Variants in VSNL1 observed in about 807,000 individuals in gnomAD.
The protein encoded by VSNL1 is visinin-like protein 1.
Under a neutral mutation model 20.4 loss-of-function variants are expected in VSNL1, and 6 were observed. That is an observed-to-expected ratio of 0.29 (90% CI 0.16 to 0.58). The LOEUF is 0.58. Ranked by LOEUF, VSNL1 falls within the 20% of genes least tolerant of loss-of-function variation. The probability of loss-of-function intolerance (pLI) is 0.90; values close to 1 mark genes in which losing one functional copy is unlikely to be tolerated. For missense variants in VSNL1, 100 were observed against 234.5 expected (o/e 0.43, Z 3.75); for synonymous variants, 93 against 86.4 (o/e 1.08, Z -0.42).
At chr2:17,627,515 T>C (rs2103408798) in intron 2 of VSNL1, among the ~76,000 whole-genome samples, 1 of 151,902 alleles carries the variant, frequency 6.6e-6, no homozygotes, top group Non-Finnish European at 1.5e-5. Context: ...GGGATCAGAG[T>C]TTTTAAGGAT....
At chr2:17,612,074 G>A (rs368796584) in intron 2 of VSNL1, among the ~76,000 whole-genome samples, 1 of 151,528 alleles carries the variant, frequency 6.6e-6, no homozygotes, top group East Asian at 1.9e-4. Flanking sequence ...GTGTGTGTGT[G>A]CTCTCACTCA....
rs539554905 is a variant in VSNL1 at position 17,629,042 on chromosome 2, A to C, written c.163-20368A>C. 3.3e-5 allele frequency among the ~76,000 whole-genome samples: 5 copies of C among 152,336 alleles called. No homozygotes were observed. In the South Asian group the frequency reaches 1.0e-3, roughly 32 times the overall value. On this transcript the variant is annotated intron_variant, in intron 2 of 3. Coordinates refer to ENST00000295156, the MANE Select transcript of VSNL1 (RefSeq NM_003385.5). Reference sequence around the variant, plus strand: ...GCTCAGAGCCAAGGCAAAGCTTCAGAAGCCCAGCCACAGCTAAATCGCCTG... The same window carrying C: ...GCTCAGAGCCAAGGCAAAGCTTCAGCAGCCCAGCCACAGCTAAATCGCCTG...
intron 2 of VSNL1, among the ~76,000 whole-genome samples, chr2:17,603,414 T>C: frequency 6.6e-6 from 1 of 152,182 alleles, no homozygotes; most frequent in South Asian, 2.1e-4. Context: ...TCATGAGGGT[T>C]GCACCTAGTC....
chr2:17,637,647 T>C (rs1665785653), intron 2 of VSNL1, among the ~76,000 whole-genome samples: 2 of 152,176 alleles, frequency 1.3e-5, no homozygotes, highest in Admixed American at 6.5e-5. Context: ...TGAGGACCCA[T>C]TAGCAGCTTC....
intron 1 of VSNL1, among the ~76,000 whole-genome samples, chr2:17,568,267 G>A (rs1229562775): frequency 2.0e-5 from 3 of 151,622 alleles, no homozygotes. Context: ...ATTCGGCTTT[G>A]TTTGTTTGTT....
chr2:17,611,847 G>GATTAT (rs201521318), intron 2 of VSNL1, among the ~76,000 whole-genome samples: 2 of 152,292 alleles, frequency 1.3e-5, no homozygotes, highest in East Asian at 3.9e-4. Flanking sequence ...GTCAGTGACT[G>GATTAT]ATTATATTTA....
In VSNL1 at chr2:17,564,171, T is replaced by C. The variant is rs1343549123; in HGVS notation, c.-6+23253T>C. ...TTGTTCTGGCCTAAATTTCTTTTTT[T>C]CACCCCCATTTTTTTCACAAGTGTT... On this transcript the variant is annotated intron_variant, in intron 1 of 3. Coordinates refer to ENST00000295156, the MANE Select transcript of VSNL1 (RefSeq NM_003385.5). 2.6e-5 allele frequency among the ~76,000 whole-genome samples: 4 copies of C among 152,204 alleles called. No individual in the cohort carries two copies. In the East Asian group the frequency reaches 7.7e-4, roughly 29 times the overall value.
intron 1 of VSNL1, among the ~76,000 whole-genome samples, chr2:17,565,647 A>G (rs1156453963): frequency 6.6e-6 from 1 of 152,220 alleles, no homozygotes; most frequent in East Asian, 1.9e-4. Flanking sequence ...AGAAAGAAAA[A>G]TATATTCAAT....
At chr2:17,604,108 T>A (rs1664892237) in intron 2 of VSNL1, among the ~76,000 whole-genome samples, 1 of 152,108 alleles carries the variant, frequency 6.6e-6, no homozygotes, top group Non-Finnish European at 1.5e-5. Context: ...GCTGCGGCCT[T>A]GGGAGCTCAA....
intron 1 of VSNL1, among the ~76,000 whole-genome samples, chr2:17,550,051 C>G (rs1663494600): frequency 6.6e-6 from 1 of 152,082 alleles, no homozygotes; most frequent in African/African-American, 2.4e-5. Context: ...ATGATATTAC[C>G]TACCCTTTGT....
At chr2:17,574,204 C>A (rs1432222627) in intron 1 of VSNL1, among the ~76,000 whole-genome samples, 1 of 151,576 alleles carries the variant, frequency 6.6e-6, no homozygotes, top group Non-Finnish European at 1.5e-5. Context: ...TTCTTTGATC[C>A]CCCCCCACCC....
rs567637646 is a variant in VSNL1 at position 17,656,277 on chromosome 2, T to G, written c.*883T>G. On this transcript the variant is annotated 3_prime_UTR_variant, in exon 4 of 4. Coordinates refer to ENST00000295156, the MANE Select transcript of VSNL1 (RefSeq NM_003385.5). ...ACTCTTAAATATACAACTTTGGAAT[T>G]TGAAGAATTAATGACAACAAAAGGG... 4 of 152,150 alleles carry G rather than the reference T, an allele frequency of 2.6e-5. No homozygotes were observed. Among genetic ancestry groups the G allele is most frequent in the Non-Finnish European group, 4.4e-5 (3 of 68,042 alleles). 9.4% of individuals were successfully genotyped at this position (152,150 alleles called of 1,614,324 possible).
chr2:17,572,527 A>G (rs1270099733), intron 1 of VSNL1, among the ~76,000 whole-genome samples: 1 of 152,152 alleles, frequency 6.6e-6, no homozygotes, highest in East Asian at 1.9e-4. Context: ...GAAGAGGAGG[A>G]AGAAAAAGAA....
rs150745404 is a variant in VSNL1, at chr2:17,629,378, T to C, written c.163-20032T>C. On this transcript the variant is annotated intron_variant, in intron 2 of 3. Transcript: ENST00000295156. ...AGAAGCTTCTATGAAGCAACTATCCTAGGAGGTGCCCCCATATCAGCAGTC... is the reference window on the plus strand; with the variant it reads ...AGAAGCTTCTATGAAGCAACTATCCCAGGAGGTGCCCCCATATCAGCAGTC... Among the ~76,000 whole-genome samples, 212 of 152,298 alleles carry C rather than the reference T, an allele frequency of 1.4e-3. 1 individual carries two copies. Among genetic ancestry groups the C allele is most frequent in the African/African-American group, 4.9e-3 (204 of 41,574 alleles).
At chr2:17,629,682 T>G (rs1419464990) in intron 2 of VSNL1, among the ~76,000 whole-genome samples, 1 of 152,240 alleles carries the variant, frequency 6.6e-6, no homozygotes, top group African/African-American at 2.4e-5. Context: ...CCAGGCCTGC[T>G]GGAGGCACCT....
At chr2:17,544,418 C>G (rs939830786) in intron 1 of VSNL1, among the ~76,000 whole-genome samples, 1 of 152,072 alleles carries the variant, frequency 6.6e-6, no homozygotes, top group African/African-American at 2.4e-5. Context: ...TGCAGAGATG[C>G]GGAGATTTGT....
chr2:17,553,064 GA>G (rs979281052), intron 1 of VSNL1, among the ~76,000 whole-genome samples: 8 of 152,098 alleles, frequency 5.3e-5, no homozygotes, highest in African/African-American at 1.7e-4. Context: ...GGGGGAGGGG[GA>G]AAGAGAGAAA....
intron 2 of VSNL1, among the ~76,000 whole-genome samples, chr2:17,592,842 A>G (rs536066617): frequency 6.6e-6 from 1 of 152,030 alleles, no homozygotes; most frequent in South Asian, 2.1e-4. Flanking sequence ...TTCCCTGAAC[A>G]TTACACAGAA....
At chr2:17,645,613 C>T (rs1349493017) in intron 2 of VSNL1, among the ~76,000 whole-genome samples, 1 of 152,164 alleles carries the variant, frequency 6.6e-6, no homozygotes, top group Non-Finnish European at 1.5e-5. Flanking sequence ...TGCACCACCT[C>T]TTAGAGGAAA....
Sources: allele counts gnomAD v4.1 joint callset (sites outside exome capture counted in the v4.1 genomes callset), GRCh38; gene constraint gnomAD v4.1.1; transcripts MANE v1.5; gene names NCBI Gene and HGNC (gene_info 2026-07-23, HGNC 2026-07-21).